Variants in ORC3 observed in about 807,000 individuals in gnomAD.
ORC3 encodes the protein homolog of latheo, Drosophila.
ORC3 carries 78 observed loss-of-function variants against 100.7 expected under a neutral mutation model. The observed-to-expected ratio is 0.77, with a 90% CI of 0.65 to 0.94. The LOEUF is 0.94. ORC3 is among the 40% of genes least tolerant of loss of function. ORC3 has a pLI of 0.00. For missense variants in ORC3, 789 were observed against 823.9 expected (o/e 0.96, Z 0.52); for synonymous variants, 295 against 289.3 (o/e 1.02, Z -0.20).
At chr6:87,654,863 G>A (rs1769548096) in intron 14 of ORC3, among the ~76,000 whole-genome samples, 1 of 152,118 alleles carries the variant, frequency 6.6e-6, no homozygotes, top group Non-Finnish European at 1.5e-5. Flanking sequence ...TATAATATGA[G>A]CTAGTAAACA....
At chr6:87,676,946 A>G in the ORC3 span, among the ~76,000 whole-genome samples, 1 of 151,768 alleles carries the variant, frequency 6.6e-6, no homozygotes, top group Non-Finnish European at 1.5e-5. Flanking sequence ...GCATGGTGGT[A>G]GGTGCCTGTA....
chr6:87,603,528 G>A lies in ORC3; in HGVS notation c.322G>A (p.Gly108Ser). The A allele has an allele frequency of 6.7e-7, 1 of 1,490,036 alleles. No individual in the cohort carries two copies. The highest frequency in any genetic ancestry group is 9.1e-7 in the Non-Finnish European group (1 of 1,098,220). 92.3% of individuals were successfully genotyped at this position (1,490,036 alleles called of 1,614,324 possible). ...REIPTAALVL[G>S]VNVTDHDLTF... ...AATTCCAACTGCTGCTCTTGTTCTT[G>A]GTATATATGCGTATGTTTGTTCATG... Residue 108 changes from glycine (G) to serine (S), a missense_variant and splice_region_variant, in exon 4 of 20, where the codon GGT becomes AGT. By Grantham distance (56) the Gly-to-Ser change is moderately conservative (BLOSUM62 0). Transcript: ENST00000392844.
intron 16 of ORC3, among the ~76,000 whole-genome samples, chr6:87,661,982 GT>G (rs1037996095): frequency 1.6e-4 from 24 of 151,966 alleles, no homozygotes; most frequent in Non-Finnish European, 2.8e-4. Context: ...TATTAAAATT[GT>G]TTTATCATCT....
chr6:87,590,959 AG>A (rs1360436866), intron 1 of ORC3, among the ~76,000 whole-genome samples: 2 of 152,226 alleles, frequency 1.3e-5, no homozygotes, highest in Non-Finnish European at 2.9e-5. Context: ...AGAAATTGCA[AG>A]ACATAGTGTA....
Position 87,609,233 on chromosome 6 carries a change from G to A in ORC3, c.713+4G>A. On this transcript the variant is annotated splice_donor_region_variant and intron_variant, in intron 7 of 19. Coordinates refer to ENST00000392844, the MANE Select transcript of ORC3 (RefSeq NM_012381.4). The stretch of plus-strand genomic sequence containing the variant: ...AAGACTTCATAATTATCAGCAGGTA[G>A]ATGGTGTATTACCTGGCTTTTATGA... The A allele has an allele frequency of 6.3e-7, 1 of 1,582,080 alleles. No individual in the cohort carries two copies. Among genetic ancestry groups the A allele is most frequent in the African/African-American group, 1.4e-5 (1 of 73,440 alleles).
At chr6:87,638,462 A>G (rs1438976669) in intron 13 of ORC3, among the ~76,000 whole-genome samples, 1 of 152,256 alleles carries the variant, frequency 6.6e-6, no homozygotes, top group Non-Finnish European at 1.5e-5. Flanking sequence ...ATGCTTTGGA[A>G]AGAATAACTG....
chr6:87,644,693 A>G (rs1020869418), intron 13 of ORC3, among the ~76,000 whole-genome samples: 1 of 152,084 alleles, frequency 6.6e-6, no homozygotes, highest in Non-Finnish European at 1.5e-5. Flanking sequence ...TACTAAAAAT[A>G]CAAAAATTAG....
intron 5 of ORC3, among the ~76,000 whole-genome samples, chr6:87,606,676 C>T (rs1300150199): frequency 1.3e-5 from 2 of 152,114 alleles, no homozygotes; most frequent in African/African-American, 4.8e-5. Context: ...ACTACAGGTG[C>T]ATGCCATTAC....
At chr6:87,655,031 G>A (rs184468655) in intron 14 of ORC3, among the ~76,000 whole-genome samples, 74 of 152,314 alleles carry the variant, frequency 4.9e-4, no homozygotes, top group African/African-American at 1.8e-3. Flanking sequence ...ATTTTCAAAA[G>A]TGACTCATTA....
chr6:87,677,644 G>A, the ORC3 span, among the ~76,000 whole-genome samples: 1 of 152,158 alleles, frequency 6.6e-6, no homozygotes, highest in Admixed American at 6.5e-5. Flanking sequence ...TTTTCCTCAG[G>A]TTACCAAGGC....
At chr6:87,610,844 C>T (rs542272167) in intron 7 of ORC3, among the ~76,000 whole-genome samples, 4 of 151,034 alleles carry the variant, frequency 2.6e-5, no homozygotes, top group East Asian at 3.9e-4. Context: ...TGAGCCACCG[C>T]GCCCGGCCTA....
At chr6:87,616,466 A>G in intron 9 of ORC3, 39 bp downstream of exon 9, 2 of 824,250 alleles carry the variant, frequency 2.4e-6, no homozygotes, top group Non-Finnish European at 4.2e-6. Context: ...TCTCAAGCTG[A>G]TTCTAAATAA....
At chr6:87,631,466 A>G (rs1401235073) in intron 11 of ORC3, among the ~76,000 whole-genome samples, 1 of 152,094 alleles carries the variant, frequency 6.6e-6, no homozygotes, top group Non-Finnish European at 1.5e-5. Flanking sequence ...TCACATGTAC[A>G]TGGTATGATG....
chr6:87,674,043 C>T, the ORC3 span, among the ~76,000 whole-genome samples: 3,537 of 152,192 alleles, frequency 0.023, 78 homozygotes, highest in Admixed American at 0.057. Flanking sequence ...GGCGCAGTGG[C>T]TCACGCCAGC....
chr6:87,674,054 A>AT, the ORC3 span, among the ~76,000 whole-genome samples: 19 of 152,278 alleles, frequency 1.2e-4, no homozygotes, highest in African/African-American at 2.9e-4. Flanking sequence ...TCACGCCAGC[A>AT]TTTTGGAAGG....
intron 4 of ORC3, among the ~76,000 whole-genome samples, chr6:87,604,403 A>T (rs527788224): frequency 6.6e-6 from 1 of 152,306 alleles, no homozygotes; most frequent in African/African-American, 2.4e-5. Flanking sequence ...TAGTCCCAGG[A>T]CCACACTAAT....
chr6:87,599,802 C>T (rs1428455625), intron 2 of ORC3, among the ~76,000 whole-genome samples: 1 of 152,032 alleles, frequency 6.6e-6, no homozygotes, highest in African/African-American at 2.4e-5. Flanking sequence ...GTGGTGAAAC[C>T]CCGTCTCTGC....
At chr6:87,666,340 C>A (rs932610136) in intron 19 of ORC3, among the ~76,000 whole-genome samples, 3 of 151,580 alleles carry the variant, frequency 2.0e-5, no homozygotes, top group Non-Finnish European at 4.4e-5. Context: ...CCATGTTGGC[C>A]AGGCTGGTCT....
chr6:87,618,487 A>G (rs747566603), intron 9 of ORC3, among the ~76,000 whole-genome samples: 23 of 152,214 alleles, frequency 1.5e-4, no homozygotes, highest in Middle Eastern at 3.4e-3. Context: ...CAGTAAACCC[A>G]CAAATCTGAG....
Sources: allele counts gnomAD v4.1 joint callset (sites outside exome capture counted in the v4.1 genomes callset), GRCh38; gene constraint gnomAD v4.1.1; transcripts MANE v1.5; gene names NCBI Gene and HGNC (gene_info 2026-07-23, HGNC 2026-07-21).